The following WFDC1 variants were observed in gnomAD, a reference collection of about 807,000 sequenced individuals.
The protein encoded by WFDC1 is WAP four-disulfide core domain protein 1.
Under a neutral mutation model 32.9 loss-of-function variants are expected in WFDC1, and 39 were observed. The observed-to-expected ratio is 1.19, with a 90% confidence interval of 0.92 to 1.55. WFDC1 has a LOEUF of 1.55. WFDC1 is among the 40% of genes most tolerant of loss of function. The probability of loss-of-function intolerance (pLI) is 0.00; values close to 1 mark genes in which losing one functional copy is unlikely to be tolerated. For missense variants in WFDC1, 386 were observed against 309.5 expected (o/e 1.25, Z -1.85); for synonymous variants, 184 against 137.4 (o/e 1.34, Z -2.37).
intron 1 of WFDC1, among the ~76,000 whole-genome samples, chr16:84,304,923 G>C (rs1194563656): frequency 6.6e-6 from 1 of 152,238 alleles, no homozygotes; most frequent in South Asian, 2.1e-4. Flanking sequence ...TGGACTGAAA[G>C]AATGGGAAGA....
chr16:84,319,312 G>T (rs1006493427), intron 3 of WFDC1, 119 bp from the exon 4 acceptor site: 43 of 1,418,268 alleles, frequency 3.0e-5, no homozygotes, highest in Non-Finnish European at 4.0e-5. Context: ...AGGCGAGGCC[G>T]CCTCTCTGGG....
intron 1 of WFDC1, among the ~76,000 whole-genome samples, chr16:84,299,002 T>C (rs1306389045): frequency 6.6e-6 from 1 of 152,166 alleles, no homozygotes; most frequent in Non-Finnish European, 1.5e-5. Flanking sequence ...GAGCCCACAG[T>C]TCCCTGACTG....
intron 1 of WFDC1, among the ~76,000 whole-genome samples, chr16:84,305,521 G>A (rs1465946828): frequency 2.6e-5 from 4 of 152,234 alleles, no homozygotes; most frequent in Admixed American, 2.6e-4. Context: ...TGCAGCCTCA[G>A]CTGGACTGGA....
intron 1 of WFDC1, among the ~76,000 whole-genome samples, chr16:84,308,233 G>A (rs544604447): frequency 1.3e-5 from 2 of 152,216 alleles, no homozygotes; most frequent in South Asian, 4.1e-4. Flanking sequence ...CTCCCTGGGG[G>A]CAGCTGAAAA....
intron 1 of WFDC1, among the ~76,000 whole-genome samples, chr16:84,307,503 A>G (rs1313364300): frequency 6.6e-6 from 1 of 152,130 alleles, no homozygotes. Flanking sequence ...GAGAAATGAC[A>G]TTTGAATTTT....
At chr16:84,318,667 C>A (rs117185809) in intron 3 of WFDC1, 7,979 of 287,490 alleles carry the variant, frequency 0.028, 206 homozygotes, top group Admixed American at 0.07. Context: ...GGGGGTTCAC[C>A]GCTCTCTAAT....
At position 84,320,249 on chromosome 16, in the gene WFDC1, G is replaced by A. The variant is rs554839027; in HGVS notation, c.562+678G>A. Among the ~76,000 whole-genome samples, 6 of 152,280 alleles carry A rather than the reference G, an allele frequency of 3.9e-5. No individual in the cohort carries two copies. In the South Asian group the frequency reaches 1.2e-3, roughly 32 times the overall value. On this transcript the variant is annotated intron_variant, in intron 4 of 6. Transcript: ENST00000219454. ...TTCTGAGCACAGTTAAGGTAGGCTC[G>A]GCTAAGGTATGGTGTTCAGTAGGTT...
At chr16:84,305,942 G>C (rs2033461399) in intron 1 of WFDC1, among the ~76,000 whole-genome samples, 1 of 151,998 alleles carries the variant, frequency 6.6e-6, no homozygotes, top group South Asian at 2.1e-4. Context: ...GGCGGAGGTT[G>C]CAGTGAGCTG....
intron 6 of WFDC1, chr16:84,328,405 C>T (rs1016210789): frequency 6.6e-6 from 1 of 152,198 alleles, no homozygotes; most frequent in Non-Finnish European, 1.5e-5. Flanking sequence ...AAAGGAGCCC[C>T]TAAAAGCAGG....
At chr16:84,300,196 G>A (rs1906851273) in intron 1 of WFDC1, among the ~76,000 whole-genome samples, 1 of 152,248 alleles carries the variant, frequency 6.6e-6, no homozygotes. Flanking sequence ...TTCTCTGGCT[G>A]CAGGAGCCTG....
chr16:84,308,429 G>A (rs909906197), intron 1 of WFDC1, among the ~76,000 whole-genome samples: 2 of 152,228 alleles, frequency 1.3e-5, no homozygotes, highest in African/African-American at 2.4e-5. Context: ...TGCTCTCAGT[G>A]TGGGGTGGCG....
At chr16:84,315,778 C>T (rs946229197) in intron 2 of WFDC1, among the ~76,000 whole-genome samples, 1 of 152,236 alleles carries the variant, frequency 6.6e-6, no homozygotes, top group Non-Finnish European at 1.5e-5. Flanking sequence ...TTGAGAAACA[C>T]TGGTCTAACT....
chr16:84,310,077 T>C (rs1484901362), intron 1 of WFDC1, among the ~76,000 whole-genome samples: 1 of 152,048 alleles, frequency 6.6e-6, no homozygotes, highest in Non-Finnish European at 1.5e-5. Flanking sequence ...GCCAACTGTA[T>C]GTGCAGGAGG....
chr16:84,298,095 T>A (rs1226508115), intron 1 of WFDC1, among the ~76,000 whole-genome samples: 1 of 152,068 alleles, frequency 6.6e-6, no homozygotes, highest in South Asian at 2.1e-4. Flanking sequence ...CTAAGTTATA[T>A]AAACTTACAG....
chr16:84,311,695 C>CATTT (rs35711981), intron 1 of WFDC1, among the ~76,000 whole-genome samples: 3 of 73,446 alleles, frequency 4.1e-5, no homozygotes, highest in Non-Finnish European at 6.9e-5. Context: ...TGCCTGACTG[C>CATTT]TTTTTTTTTT....
intron 2 of WFDC1, chr16:84,317,965 G>A (rs999372381): frequency 1.3e-5 from 4 of 301,224 alleles, no homozygotes; most frequent in Non-Finnish European, 6.6e-6. Context: ...AGGAAAAGAG[G>A]GAGGGAGAGG....
chr16:84,308,202 C>T (rs1907383012), intron 1 of WFDC1, among the ~76,000 whole-genome samples: 1 of 152,114 alleles, frequency 6.6e-6, no homozygotes, highest in South Asian at 2.1e-4. Context: ...CCCCTCATGC[C>T]CTCAGTCTCA....
chr16:84,296,065 G>A (rs1258566241), intron 1 of WFDC1, among the ~76,000 whole-genome samples: 2 of 152,272 alleles, frequency 1.3e-5, no homozygotes, highest in East Asian at 1.9e-4. Context: ...GGGTGGAGGA[G>A]GCTATCATTT....
intron 1 of WFDC1, among the ~76,000 whole-genome samples, chr16:84,305,740 G>A (rs139981447): frequency 5.3e-5 from 8 of 151,830 alleles, no homozygotes; most frequent in African/African-American, 1.7e-4. Flanking sequence ...GGTGGCTGAC[G>A]CTTGTAATCC....
Sources: allele counts gnomAD v4.1 joint callset (sites outside exome capture counted in the v4.1 genomes callset), GRCh38; gene constraint gnomAD v4.1.1; transcripts MANE v1.5; gene names NCBI Gene and HGNC (gene_info 2026-07-23, HGNC 2026-07-21).